The following PIP5K1B variants were observed in gnomAD, a reference collection of about 807,000 sequenced individuals.
PIP5K1B encodes the protein phosphatidylinositol 4-phosphate 5-kinase type-1 beta.
A neutral mutation model predicts 67.0 loss-of-function variants in PIP5K1B; 42 were observed. The observed-to-expected ratio is 0.63, with a 90% confidence interval of 0.49 to 0.81. The LOEUF is 0.81. Among genes scored for constraint, PIP5K1B ranks in the 30% least tolerant of loss-of-function variants. PIP5K1B has a pLI of 0.00. For synonymous variants in PIP5K1B, 214 were observed against 231.4 expected, an observed-to-expected ratio of 0.92 and a Z score of 0.68; for missense variants, 459 against 646.3, an observed-to-expected ratio of 0.71 and a Z score of 3.14.
intron 2 of PIP5K1B, among the ~76,000 whole-genome samples, chr9:68,817,712 CT>C (rs1156788129): frequency 0.024 from 2,278 of 93,626 alleles, 28 homozygotes; most frequent in East Asian, 0.11. Context: ...AGACCTCATT[CT>C]TTTTTTTTTT....
At chr9:68,922,736 A>G (rs1826474138) in intron 11 of PIP5K1B, among the ~76,000 whole-genome samples, 2 of 152,216 alleles carry the variant, frequency 1.3e-5, no homozygotes, top group East Asian at 1.9e-4. Context: ...ATTCAACTCT[A>G]TGCAATCAGC....
intron 14 of PIP5K1B, among the ~76,000 whole-genome samples, chr9:68,949,020 C>T (rs1827931908): frequency 6.6e-6 from 1 of 151,638 alleles, no homozygotes; most frequent in Non-Finnish European, 1.5e-5. Flanking sequence ...ATTTTTAAAT[C>T]GATTTAGTTT....
At chr9:68,965,093 G>A (rs547528567) in intron 14 of PIP5K1B, among the ~76,000 whole-genome samples, 11 of 152,252 alleles carry the variant, frequency 7.2e-5, no homozygotes, top group African/African-American at 1.7e-4. Flanking sequence ...AGAAGCTTTC[G>A]AATTAGAATG....
intron 4 of PIP5K1B, among the ~76,000 whole-genome samples, chr9:68,826,687 C>T (rs1234808771): frequency 6.6e-6 from 1 of 152,156 alleles, no homozygotes; most frequent in Non-Finnish European, 1.5e-5. Context: ...GAGGGACCCA[C>T]ATGAAAAAAT....
At chr9:68,769,223 T>C (rs1301001143) in intron 2 of PIP5K1B, among the ~76,000 whole-genome samples, 1 of 152,248 alleles carries the variant, frequency 6.6e-6, no homozygotes, top group Middle Eastern at 3.2e-3. Context: ...CTGAGGCATG[T>C]GCAGAATGCT....
intron 2 of PIP5K1B, among the ~76,000 whole-genome samples, chr9:68,778,413 C>T (rs1249833471): frequency 2.0e-5 from 3 of 151,938 alleles, no homozygotes; most frequent in Non-Finnish European, 2.9e-5. Flanking sequence ...TGCTATTTTC[C>T]TCTCTCAGTA....
At chr9:68,859,994 TGTTGA>T (rs1822979886) in intron 4 of PIP5K1B, among the ~76,000 whole-genome samples, 1 of 152,236 alleles carries the variant, frequency 6.6e-6, no homozygotes. Context: ...GAAATGGCTC[TGTTGA>T]GTTAGTTAAT....
At chr9:68,844,657 T>C (rs999245394) in intron 4 of PIP5K1B, among the ~76,000 whole-genome samples, 4 of 152,184 alleles carry the variant, frequency 2.6e-5, no homozygotes, top group Non-Finnish European at 5.9e-5. Flanking sequence ...TTGGTAGCTC[T>C]GACACCAACT....
At chr9:68,993,048 G>C (rs1434089833) in intron 15 of PIP5K1B, among the ~76,000 whole-genome samples, 2 of 151,826 alleles carry the variant, frequency 1.3e-5, no homozygotes, top group South Asian at 4.1e-4. Context: ...TGTAGTCCCA[G>C]CTACTCGGAA....
chr9:68,747,204 A>G (rs557543227), intron 2 of PIP5K1B, among the ~76,000 whole-genome samples: 4 of 149,524 alleles, frequency 2.7e-5, no homozygotes, highest in Admixed American at 1.3e-4. Flanking sequence ...CTGGGCAACA[A>G]CTTGGGTGTA....
intron 12 of PIP5K1B, among the ~76,000 whole-genome samples, chr9:68,929,163 TA>T (rs60505568): frequency 0.25 from 25,789 of 101,166 alleles, 3,372 homozygotes; most frequent in East Asian, 0.42. Flanking sequence ...AGACTCTATC[TA>T]AAAAAAAAAA....
chr9:68,969,292 C>T (rs1375595530), intron 14 of PIP5K1B, among the ~76,000 whole-genome samples: 1 of 150,556 alleles, frequency 6.6e-6, no homozygotes, highest in Non-Finnish European at 1.5e-5. Flanking sequence ...GGCGTGAACC[C>T]AGGAGCCGGG....
At chr9:69,002,189 T>C (rs1314090567) in intron 15 of PIP5K1B, among the ~76,000 whole-genome samples, 3 of 152,206 alleles carry the variant, frequency 2.0e-5, no homozygotes, top group African/African-American at 7.2e-5. Flanking sequence ...AATAGCTGTC[T>C]TCATCCCAAT....
chr9:68,925,795 A>ATTTTTTTTTTTTCTTTTTTTTTTTTTTT (rs374081605), intron 12 of PIP5K1B, among the ~76,000 whole-genome samples: 1 of 73,296 alleles, frequency 1.4e-5, no homozygotes. Flanking sequence ...TGTGGTTCCA[A>ATTTTTTTTTTTTCTTTTTTTTTTTTTTT]TTTTTTTTTT....
chr9:68,714,901 A>G (rs1454087377), intron 1 of PIP5K1B, among the ~76,000 whole-genome samples: 1 of 152,138 alleles, frequency 6.6e-6, no homozygotes, highest in Non-Finnish European at 1.5e-5. Context: ...CCAACAAAGA[A>G]CCAAAGACTG....
chr9:68,846,831 T>G (rs1357020511), intron 4 of PIP5K1B, among the ~76,000 whole-genome samples: 1 of 152,186 alleles, frequency 6.6e-6, no homozygotes, highest in Non-Finnish European at 1.5e-5. Flanking sequence ...CTATGAAAAT[T>G]AAGAGGAGGA....
At chr9:68,752,190 A>G (rs1184366458) in intron 2 of PIP5K1B, among the ~76,000 whole-genome samples, 1 of 152,224 alleles carries the variant, frequency 6.6e-6, no homozygotes, top group African/African-American at 2.4e-5. Flanking sequence ...CTATTATGGT[A>G]TCTTGCCCAT....
chr9:68,922,481 A>G (rs956135206), intron 11 of PIP5K1B, among the ~76,000 whole-genome samples: 7 of 152,222 alleles, frequency 4.6e-5, no homozygotes, highest in South Asian at 2.1e-4. Context: ...AAATTTCTCT[A>G]TTGGAATCCA....
intron 14 of PIP5K1B, among the ~76,000 whole-genome samples, chr9:68,985,292 C>T (rs1023715486): frequency 1.3e-4 from 19 of 151,458 alleles, no homozygotes; most frequent in African/African-American, 4.6e-4. Flanking sequence ...CACTCTGTCG[C>T]CCAGGCTGGA....
Sources: allele counts gnomAD v4.1 joint callset (sites outside exome capture counted in the v4.1 genomes callset), GRCh38; gene constraint gnomAD v4.1.1; transcripts MANE v1.5; gene names NCBI Gene and HGNC (gene_info 2026-07-23, HGNC 2026-07-21).